The following SLIT3 variants were observed in gnomAD, a reference collection of about 807,000 sequenced individuals.
The protein encoded by SLIT3 is slit guidance ligand 3, also known as slit homolog 3 protein.
A neutral mutation model predicts 184.0 loss-of-function variants in SLIT3; 68 were observed. The ratio of observed to expected loss-of-function variants is 0.37; its 90% confidence interval spans 0.30 to 0.45. The LOEUF is 0.45. Among genes scored for constraint, SLIT3 ranks in the 20% least tolerant of loss-of-function variants. The pLI is 1.00. For synonymous variants in SLIT3, 831 were observed against 828.6 expected (o/e 1.00, Z -0.05); for missense variants, 1,707 against 2,026.0 (o/e 0.84, Z 3.02).
chr5:169,253,613 G>A (rs1186919920), intron 1 of SLIT3, among the ~76,000 whole-genome samples: 1 of 152,172 alleles, frequency 6.6e-6, no homozygotes, highest in Non-Finnish European at 1.5e-5. Flanking sequence ...TAAATGAGAT[G>A]ATGTACACAC....
intron 3 of SLIT3, among the ~76,000 whole-genome samples, chr5:169,228,008 G>A (rs1435575518): frequency 6.6e-6 from 1 of 152,200 alleles, no homozygotes; most frequent in African/African-American, 2.4e-5. Flanking sequence ...GTCTAAGTAA[G>A]TGCCCAGGTT....
At chr5:168,813,024 G>C (rs1757213204) in intron 8 of SLIT3, among the ~76,000 whole-genome samples, 1 of 152,172 alleles carries the variant, frequency 6.6e-6, no homozygotes, top group Non-Finnish European at 1.5e-5. Flanking sequence ...TGGGGCACCT[G>C]AAAAAGTGTA....
chr5:168,956,157 C>T (rs201360524), intron 4 of SLIT3, among the ~76,000 whole-genome samples: 1 of 152,184 alleles, frequency 6.6e-6, no homozygotes, highest in East Asian at 1.9e-4. Context: ...GAAATCAATT[C>T]CTTCCCACCT....
At chr5:169,084,539 C>A (rs1221578674) in intron 4 of SLIT3, among the ~76,000 whole-genome samples, 2 of 150,982 alleles carry the variant, frequency 1.3e-5, no homozygotes, top group Non-Finnish European at 2.9e-5. Flanking sequence ...AACTCCTGAC[C>A]TCAGGTGATC....
chr5:169,231,568 A>G (rs1054995203), intron 3 of SLIT3, among the ~76,000 whole-genome samples: 6 of 152,180 alleles, frequency 3.9e-5, no homozygotes, highest in African/African-American at 1.2e-4. Flanking sequence ...CTACCAGTCA[A>G]TTCCATTACA....
At position 168,705,512 on chromosome 5, in the gene SLIT3, TCATCATCACCGATACCATCAC is replaced by T. The variant is rs572690518; in HGVS notation, c.2844+2443_2844+2463del. ...AACACCATCACCATTGTCACCTTTGTCATCATCACCGATACCATCACCATCATCACCTTCACCATCATCATC... is the reference window on the plus strand; with the variant it reads ...AACACCATCACCATTGTCACCTTTGTCATCATCACCTTCACCATCATCATC... On this transcript the variant is annotated intron_variant, in intron 26 of 35. Coordinates refer to ENST00000519560, the MANE Select transcript of SLIT3 (RefSeq NM_003062.4). Among the ~76,000 whole-genome samples the T allele has an allele frequency of 3.2e-4, 49 of 152,242 alleles. 1 individual carries two copies. The East Asian group carries it at 8.7e-3, about 27-fold the overall frequency.
rs779937933 is a variant in SLIT3, at chr5:168,724,482, T to C, written c.2273A>G (p.Tyr758Cys). The stretch of plus-strand genomic sequence containing the variant: ...GGCTGTTAGGTGGTTTCCTTCCAGG[T>C]ACCTGAAAGAGGTGTGGAGAGACAA... ...RGMPKDVTELYLEGNHLTAVP... is the reference protein window; with the variant it reads ...RGMPKDVTELCLEGNHLTAVP... The change falls in exon 21 of 36, where the codon TAC becomes TGC. Residue 758 changes from tyrosine to cysteine, a missense_variant and splice_region_variant. Tyr to Cys is a radical substitution (Grantham distance 194). Transcript: ENST00000519560. 2 of 1,612,652 alleles carry C rather than the reference T, an allele frequency of 1.2e-6. No homozygotes were observed. Among genetic ancestry groups the C allele is most frequent in the South Asian group, 2.2e-5 (2 of 90,944 alleles).
At chr5:168,841,407 G>A (rs754602060) in intron 6 of SLIT3, among the ~76,000 whole-genome samples, 1 of 152,096 alleles carries the variant, frequency 6.6e-6, no homozygotes, top group African/African-American at 2.4e-5. Flanking sequence ...CCTCCGTAGT[G>A]GCATGGAAGG....
intron 7 of SLIT3, among the ~76,000 whole-genome samples, chr5:168,820,012 G>C (rs796924174): frequency 2.0e-5 from 3 of 152,314 alleles, no homozygotes; most frequent in African/African-American, 7.2e-5. Context: ...AAAGAGTCAA[G>C]CTGGGTAGAT....
chr5:168,950,906 G>A (rs1762630674), intron 4 of SLIT3, among the ~76,000 whole-genome samples: 1 of 152,150 alleles, frequency 6.6e-6, no homozygotes, highest in Admixed American at 6.5e-5. Flanking sequence ...TTCACAATTC[G>A]ATATATAAAT....
chr5:169,169,878 G>A (rs1762761842), intron 4 of SLIT3, among the ~76,000 whole-genome samples: 1 of 152,230 alleles, frequency 6.6e-6, no homozygotes, highest in Admixed American at 6.5e-5. Flanking sequence ...GAAACTTCAA[G>A]TCCTGATCTT....
At chr5:169,245,481 C>A (rs773842730) in intron 2 of SLIT3, among the ~76,000 whole-genome samples, 2 of 152,076 alleles carry the variant, frequency 1.3e-5, no homozygotes, top group Non-Finnish European at 2.9e-5. Context: ...AAAAAAATGG[C>A]CGCTTAAATG....
At chr5:169,223,526 C>T (rs370143893) in intron 3 of SLIT3, among the ~76,000 whole-genome samples, 6 of 152,132 alleles carry the variant, frequency 3.9e-5, no homozygotes, top group African/African-American at 1.4e-4. Flanking sequence ...GGACTCCTAC[C>T]TGATGGGATT....
chr5:168,956,028 C>T (rs1762813809), intron 4 of SLIT3, among the ~76,000 whole-genome samples: 1 of 152,148 alleles, frequency 6.6e-6, no homozygotes, highest in African/African-American at 2.4e-5. Context: ...CTGGTCCAAT[C>T]CAAACTCTGG....
rs70976498 is a variant in SLIT3, at chr5:168,703,944, C to CAAA, written c.2845-3268_2845-3266dup. ...TGGCAACGGAGTGAGACTCTGTCTC[C>CAAA]AAAAAAAAAAAAAAAAAAAAAAAAA... On this transcript the variant is annotated intron_variant, in intron 26 of 35. Coordinates refer to ENST00000519560, the MANE Select transcript of SLIT3 (RefSeq NM_003062.4). Among the ~76,000 whole-genome samples, 78 of 46,844 alleles carry CAAA rather than the reference C, an allele frequency of 1.7e-3. 5 individuals are homozygous for CAAA. In the East Asian group the frequency reaches 0.044, roughly 27 times the overall value. The allele number at this position is 46,844 out of a possible 152,430, so 30.7% of individuals were successfully genotyped here. A position where few individuals can be genotyped will look rare whatever the true frequency, so the allele number is the denominator to read the frequency against.
rs565289006 is a variant in SLIT3 at position 169,134,498 on chromosome 5, T to C, written c.413+58981A>G. Among the ~76,000 whole-genome samples the C allele has an allele frequency of 7.9e-5, 12 of 152,312 alleles. No homozygotes were observed. In the South Asian group the frequency reaches 8.3e-4, roughly 11 times the overall value. Reference sequence around the variant, plus strand: ...CCCATAGCTGCCTCATTCTTTTCCATAGGACTTAACTTAAACTGTGCATCC... The same window carrying C: ...CCCATAGCTGCCTCATTCTTTTCCACAGGACTTAACTTAAACTGTGCATCC... On this transcript the variant is annotated intron_variant, in intron 4 of 35. Transcript: ENST00000519560.
intron 34 of SLIT3, 90 bp downstream of exon 34, chr5:168,671,108 G>C: frequency 7.1e-7 from 1 of 1,417,942 alleles, no homozygotes; most frequent in Non-Finnish European, 9.6e-7. Flanking sequence ...AACTCCTCCA[G>C]CCTCCAGTAG....
intron 20 of SLIT3, among the ~76,000 whole-genome samples, chr5:168,727,010 C>CAAA (rs56207322): frequency 1.5e-4 from 15 of 97,882 alleles, no homozygotes; most frequent in Admixed American, 3.5e-4. Flanking sequence ...GACTGTGTCT[C>CAAA]AAAAAAAAAA....
At chr5:168,805,381 A>G (rs893196143) in intron 9 of SLIT3, among the ~76,000 whole-genome samples, 1 of 152,186 alleles carries the variant, frequency 6.6e-6, no homozygotes, top group Non-Finnish European at 1.5e-5. Context: ...GACAAAGCAG[A>G]AAGGCAAGGG....
Sources: allele counts gnomAD v4.1 joint callset (sites outside exome capture counted in the v4.1 genomes callset), GRCh38; gene constraint gnomAD v4.1.1; transcripts MANE v1.5; gene names NCBI Gene and HGNC (gene_info 2026-07-23, HGNC 2026-07-21).